Variants in TMEFF2 observed in about 807,000 individuals in gnomAD.
TMEFF2 encodes the protein tomoregulin-2.
In TMEFF2, 28 loss-of-function variants were observed where a neutral mutation model predicts 53.8. That is an observed-to-expected ratio of 0.52 (90% CI 0.39 to 0.71). TMEFF2 has a LOEUF of 0.71. Among genes scored for constraint, TMEFF2 ranks in the 30% least tolerant of loss-of-function variants. The pLI is 0.00. For synonymous variants in TMEFF2, 162 were observed against 166.3 expected (o/e 0.97, Z 0.20); for missense variants, 353 against 455.2 (o/e 0.78, Z 2.04).
intron 4 of TMEFF2, among the ~76,000 whole-genome samples, chr2:192,096,878 G>C (rs1688924084): frequency 6.6e-6 from 1 of 151,746 alleles, no homozygotes; most frequent in South Asian, 2.1e-4. Context: ...GTTTCACCAT[G>C]TTGGCCAGGT....
intron 5 of TMEFF2, among the ~76,000 whole-genome samples, chr2:192,045,815 T>C (rs941106781): frequency 6.6e-6 from 1 of 152,202 alleles, no homozygotes; most frequent in African/African-American, 2.4e-5. Flanking sequence ...GCTTCCATCA[T>C]GGAAGAGACA....
At chr2:192,096,925 C>T (rs1688925099) in intron 4 of TMEFF2, among the ~76,000 whole-genome samples, 1 of 151,942 alleles carries the variant, frequency 6.6e-6, no homozygotes, top group African/African-American at 2.4e-5. Context: ...ATCCGTCTGC[C>T]ACGGCCTCCC....
chr2:192,044,476 C>G (rs983597304), intron 5 of TMEFF2: 1 of 152,178 alleles, frequency 6.6e-6, no homozygotes, highest in African/African-American at 2.4e-5. Flanking sequence ...TCTTTGGATT[C>G]TGGAGGCAAC....
At chr2:192,173,709 A>G (rs546947294) in intron 4 of TMEFF2, among the ~76,000 whole-genome samples, 3 of 151,886 alleles carry the variant, frequency 2.0e-5, no homozygotes, top group African/African-American at 7.2e-5. Context: ...ATCTTCTATT[A>G]TGTGTATTAA....
chr2:191,973,416 T>A lies in TMEFF2; in HGVS notation c.746-17038A>T, dbSNP rs189439178. 1.7e-3 allele frequency among the ~76,000 whole-genome samples: 263 copies of A among 152,270 alleles called. 2 individuals carry two copies. The highest frequency in any genetic ancestry group is 5.9e-3 in the African/African-American group (244 of 41,562). ...ACATGAATACATATTTATATATATG[T>A]GTGTGTATATACACATACACGCACA... On this transcript the variant is annotated intron_variant, in intron 7 of 9. Coordinates refer to ENST00000272771, the MANE Select transcript of TMEFF2 (RefSeq NM_016192.4).
Position 192,164,243 on chromosome 2 carries a change from T to TA in TMEFF2, c.439+15424dup, listed in dbSNP as rs1398536040. 2.0e-5 allele frequency among the ~76,000 whole-genome samples: 3 copies of TA among 152,162 alleles called. No individual in the cohort carries two copies. The East Asian group carries it at 5.8e-4, about 29-fold the overall frequency. ...TCATTCACTATGCTCGGGCTGCACTTACCTTCCTTCTATTTCTGGATTTCA... is the reference window on the plus strand; with the variant it reads ...TCATTCACTATGCTCGGGCTGCACTTAACCTTCCTTCTATTTCTGGATTTCA... On this transcript the variant is annotated intron_variant, in intron 4 of 9. Transcript: ENST00000272771.
intron 4 of TMEFF2, among the ~76,000 whole-genome samples, chr2:192,096,280 A>T (rs565729356): frequency 6.6e-6 from 1 of 152,308 alleles, no homozygotes; most frequent in Non-Finnish European, 1.5e-5. Context: ...AACTGAATTA[A>T]AAAATTTTAT....
intron 4 of TMEFF2, among the ~76,000 whole-genome samples, chr2:192,140,964 A>G (rs532194052): frequency 2.4e-4 from 36 of 152,158 alleles, no homozygotes; most frequent in Non-Finnish European, 5.3e-4. Context: ...CTATGTGAAA[A>G]GCATTTTACC....
At chr2:192,135,835 C>A (rs1233243340) in intron 4 of TMEFF2, among the ~76,000 whole-genome samples, 1 of 151,746 alleles carries the variant, frequency 6.6e-6, no homozygotes, top group Non-Finnish European at 1.5e-5. Context: ...GTTCCTGCCC[C>A]ACCTTAACTG....
At chr2:192,140,602 G>A (rs1690114326) in intron 4 of TMEFF2, among the ~76,000 whole-genome samples, 1 of 152,136 alleles carries the variant, frequency 6.6e-6, no homozygotes, top group Non-Finnish European at 1.5e-5. Flanking sequence ...ACAACGTGGG[G>A]GTGAAAGGTC....
intron 4 of TMEFF2, among the ~76,000 whole-genome samples, chr2:192,110,705 T>C (rs970024882): frequency 6.6e-6 from 1 of 152,214 alleles, no homozygotes; most frequent in Non-Finnish European, 1.5e-5. Context: ...CATAGCTGAA[T>C]GAAGTCTTGT....
At chr2:192,186,433 G>A (rs1691313957) in intron 2 of TMEFF2, among the ~76,000 whole-genome samples, 1 of 152,198 alleles carries the variant, frequency 6.6e-6, no homozygotes, top group African/African-American at 2.4e-5. Flanking sequence ...CAAGGCAAGT[G>A]CAGGGATAGG....
chr2:192,081,545 T>A (rs1174826395), intron 4 of TMEFF2, among the ~76,000 whole-genome samples: 2 of 152,194 alleles, frequency 1.3e-5, no homozygotes, highest in African/African-American at 2.4e-5. Context: ...TTCCATAGAA[T>A]CAGGGAATCA....
At chr2:192,060,375 G>C (rs1688015030) in intron 4 of TMEFF2, among the ~76,000 whole-genome samples, 1 of 152,168 alleles carries the variant, frequency 6.6e-6, no homozygotes, top group Non-Finnish European at 1.5e-5. Context: ...ACCACATTTT[G>C]AGTAGAAAGA....
chr2:192,191,351 A>G (rs1288641201), intron 2 of TMEFF2, among the ~76,000 whole-genome samples: 1 of 152,134 alleles, frequency 6.6e-6, no homozygotes, highest in Non-Finnish European at 1.5e-5. Flanking sequence ...GTATCTATGA[A>G]AAAGCTGATA....
intron 4 of TMEFF2, among the ~76,000 whole-genome samples, chr2:192,137,888 C>A (rs1313463525): frequency 1.3e-5 from 2 of 151,744 alleles, no homozygotes; most frequent in Non-Finnish European, 2.9e-5. Flanking sequence ...CTGCAACCTC[C>A]ACCCCCACAG....
chr2:192,093,148 T>A (rs1688828929), intron 4 of TMEFF2, among the ~76,000 whole-genome samples: 1 of 152,182 alleles, frequency 6.6e-6, no homozygotes, highest in Non-Finnish European at 1.5e-5. Context: ...TTTGTAGATA[T>A]CATTTAAGAC....
chr2:192,024,659 A>G (rs1574299113), intron 5 of TMEFF2, among the ~76,000 whole-genome samples: 1 of 152,200 alleles, frequency 6.6e-6, no homozygotes, highest in Admixed American at 6.5e-5. Context: ...GTTTTTCCCC[A>G]TTAAGGGATA....
In TMEFF2 at chr2:192,194,705, A is replaced by T; in HGVS notation, c.-181T>A. ...GCATGATCTCGAGAGTTTCAGCAAC[A>T]TCCAGGGACTGGGCTCAGCCCCGGA... On this transcript the variant is annotated 5_prime_UTR_variant, in exon 1 of 10. It removes an upstream start codon present in the reference 5' UTR. Transcript: ENST00000272771. The surrounding 1 kb of genome is among the most constrained non-coding windows in gnomAD (Gnocchi z 4.2). The T allele has an allele frequency of 1.5e-6, 1 of 646,858 alleles. No homozygotes were observed. Among genetic ancestry groups the T allele is most frequent in the Non-Finnish European group, 2.7e-6 (1 of 374,862 alleles). 40.1% of individuals were successfully genotyped at this position (646,858 alleles called of 1,614,324 possible). A position where few individuals can be genotyped will look rare whatever the true frequency, so the allele number is the denominator to read the frequency against.
Sources: allele counts gnomAD v4.1 joint callset (sites outside exome capture counted in the v4.1 genomes callset), GRCh38; gene constraint gnomAD v4.1.1; non-coding constraint Gnocchi (gnomAD v3.1); transcripts MANE v1.5; gene names NCBI Gene and HGNC (gene_info 2026-07-23, HGNC 2026-07-21).